DGKH: variants seen among roughly 807,000 people sequenced by gnomAD.
DGKH encodes the protein diacylglycerol kinase eta.
Under a neutral mutation model 159.3 loss-of-function variants are expected in DGKH, and 90 were observed. The ratio of observed to expected loss-of-function variants is 0.57; its 90% CI spans 0.48 to 0.67. The LOEUF is 0.67. DGKH is among the 30% of genes least tolerant of loss of function. DGKH has a pLI of 0.00. For synonymous variants in DGKH, 536 were observed against 553.8 expected (o/e 0.97, Z 0.45); for missense variants, 1,181 against 1,506.1 (o/e 0.78, Z 3.57).
intron 29 of DGKH, among the ~76,000 whole-genome samples, chr13:42,223,684 A>T (rs430757): frequency 6.6e-6 from 1 of 151,492 alleles, no homozygotes; most frequent in African/African-American, 2.4e-5. Flanking sequence ...TTTCTTGAAT[A>T]CAGAAGGCAG....
At chr13:42,251,368 T>TG (rs774083905) in intron 29 of DGKH, among the ~76,000 whole-genome samples, 9 of 152,172 alleles carry the variant, frequency 5.9e-5, no homozygotes, top group Non-Finnish European at 1.2e-4. Context: ...CCCAGCTACT[T>TG]GGGAGTCTGA....
intron 7 of DGKH, among the ~76,000 whole-genome samples, chr13:42,163,959 A>C (rs963629638): frequency 6.6e-6 from 1 of 152,098 alleles, no homozygotes; most frequent in Non-Finnish European, 1.5e-5. Flanking sequence ...CTGAATGGTA[A>C]TGCCTAGGTT....
chr13:42,249,351 C>T (rs980143076), intron 29 of DGKH, among the ~76,000 whole-genome samples: 1 of 152,178 alleles, frequency 6.6e-6, no homozygotes, highest in Non-Finnish European at 1.5e-5. Context: ...CTCTTGGTTG[C>T]AGTGAGCCAA....
chr13:42,256,454 A>C, exon 31 of DGKH: 1 of 1,526,464 alleles, frequency 6.6e-7, no homozygotes. Context: ...CTTAAAGGAA[A>C]CTGTTATTGA....
chr13:42,244,903 CAAAAAAAAAAAAAAA>C (rs57184890), downstream of DGKH, among the ~76,000 whole-genome samples: 5 of 42,966 alleles, frequency 1.2e-4, 1 homozygote, highest in African/African-American at 2.0e-4. Flanking sequence ...GACTCCGTCT[CAAAAAAAAAAAAAAA>C]AAAAAAAAAA....
intron 1 of DGKH, among the ~76,000 whole-genome samples, chr13:42,120,106 C>T (rs899477530): frequency 2.6e-5 from 4 of 152,106 alleles, no homozygotes; most frequent in Admixed American, 6.6e-5. Flanking sequence ...GACTCTGAAC[C>T]GTTGTTTGGT....
rs74051557 is a variant in DGKH at position 42,159,993 on chromosome 13, T to C, written c.730-18T>C. 60,228 of 1,614,068 alleles carry C rather than the reference T, an allele frequency of 0.037. 4,340 individuals are homozygous for C. Among genetic ancestry groups the C allele is most frequent in the African/African-American group, 0.29 (22,033 of 74,956 alleles). ...TCCGCCAGTCTTCACCTGGCTGCCC[T>C]TTCTTCCTTCTCCACAGGTCGCGAT... On this transcript the variant is annotated intron_variant, in intron 6 of 29. Transcript: ENST00000337343.
chr13:42,193,538 A>T (rs1035087127), intron 16 of DGKH, among the ~76,000 whole-genome samples: 1 of 152,202 alleles, frequency 6.6e-6, no homozygotes, highest in Non-Finnish European at 1.5e-5. Flanking sequence ...GAGATGTGAG[A>T]AATACCGTAT....
intron 1 of DGKH, among the ~76,000 whole-genome samples, chr13:42,102,997 G>T (rs1954680252): frequency 6.6e-6 from 1 of 152,198 alleles, no homozygotes; most frequent in African/African-American, 2.4e-5. Flanking sequence ...GAATTAAGAA[G>T]TAAGTGAATA....
At chr13:42,108,829 C>T (rs1175513993) in intron 1 of DGKH, among the ~76,000 whole-genome samples, 1 of 150,486 alleles carries the variant, frequency 6.6e-6, no homozygotes. Flanking sequence ...GGAGTGGAAG[C>T]TATAATGCAT....
rs1003911258 is a variant in DGKH at position 42,084,255 on chromosome 13, AT to A, written c.192+35299del. Among the ~76,000 whole-genome samples the A allele has an allele frequency of 5.9e-5, 9 of 151,840 alleles. 1 individual carries two copies. The highest frequency in any genetic ancestry group is 5.8e-4 in the East Asian group (3 of 5,180). ...AATTATTTTTAAAAATCACTTAAAA[AT>A]TTTTTTTTGCCATGTTTATTCACAG... On this transcript the variant is annotated intron_variant, in intron 1 of 29. Transcript: ENST00000337343.
intron 21 of DGKH, among the ~76,000 whole-genome samples, chr13:42,207,739 C>T (rs1197250290): frequency 1.5e-5 from 2 of 131,326 alleles, no homozygotes; most frequent in African/African-American, 5.5e-5. Flanking sequence ...GAAGTGTTAT[C>T]ACAGTCTTTA....
chr13:42,173,851 T>C (rs527803090), intron 11 of DGKH, among the ~76,000 whole-genome samples: 1 of 152,268 alleles, frequency 6.6e-6, no homozygotes, highest in East Asian at 1.9e-4. Flanking sequence ...AAATCATAAA[T>C]TATAAATTCA....
chr13:42,132,068 C>T (rs904339816), intron 3 of DGKH, among the ~76,000 whole-genome samples: 1 of 152,196 alleles, frequency 6.6e-6, no homozygotes, highest in Admixed American at 6.5e-5. Flanking sequence ...ATAATCGTCT[C>T]TCTGCTGGAG....
chr13:42,206,824 C>T (rs775490270), intron 21 of DGKH, among the ~76,000 whole-genome samples: 1 of 152,014 alleles, frequency 6.6e-6, no homozygotes, highest in Non-Finnish European at 1.5e-5. Context: ...TCATCCCCAT[C>T]TCAAGGCCCT....
At chr13:42,090,081 G>A (rs1163655296) in intron 1 of DGKH, among the ~76,000 whole-genome samples, 1 of 152,094 alleles carries the variant, frequency 6.6e-6, no homozygotes, top group Non-Finnish European at 1.5e-5. Context: ...AATCCCAGAG[G>A]AGCTGACTGG....
intron 1 of DGKH, among the ~76,000 whole-genome samples, chr13:42,092,716 G>A (rs1313437945): frequency 1.3e-5 from 2 of 152,104 alleles, no homozygotes; most frequent in Non-Finnish European, 2.9e-5. Flanking sequence ...ATAATTTATT[G>A]TTTATTTCAA....
intron 1 of DGKH, among the ~76,000 whole-genome samples, chr13:42,055,165 T>C (rs949217056): frequency 2.0e-5 from 3 of 152,226 alleles, no homozygotes; most frequent in African/African-American, 7.2e-5. Flanking sequence ...CTGGCACCTA[T>C]GTTAGAAAAT....
At chr13:42,248,791 T>C (rs1033298604) in intron 29 of DGKH, among the ~76,000 whole-genome samples, 2 of 151,998 alleles carry the variant, frequency 1.3e-5, no homozygotes, top group Admixed American at 6.6e-5. Flanking sequence ...TAACATGCTA[T>C]ACAGGTTTGT....
Sources: allele counts gnomAD v4.1 joint callset (sites outside exome capture counted in the v4.1 genomes callset), GRCh38; gene constraint gnomAD v4.1.1; transcripts MANE v1.5; gene names NCBI Gene and HGNC (gene_info 2026-07-23, HGNC 2026-07-21).